The following TRPV5 variants were observed in gnomAD, a reference collection of about 807,000 sequenced individuals.
TRPV5 encodes transient receptor potential cation channel subfamily V member 5, also known as calcium transport protein 2.
In TRPV5, 66 loss-of-function variants were observed where a neutral mutation model predicts 74.1. The ratio of observed to expected loss-of-function variants is 0.89; its 90% CI spans 0.73 to 1.09. TRPV5 has a LOEUF of 1.09. Ranked by LOEUF, TRPV5 falls within the 50% of genes least tolerant of loss-of-function variation. The pLI is 0.00. For synonymous variants in TRPV5, 399 were observed against 360.7 expected (o/e 1.11, Z -1.20); for missense variants, 936 against 930.4 (o/e 1.01, Z -0.08).
At chr7:142,916,269 A>C (rs1192448994) in intron 8 of TRPV5, among the ~76,000 whole-genome samples, 4 of 152,210 alleles carry the variant, frequency 2.6e-5, no homozygotes, top group African/African-American at 9.6e-5. Flanking sequence ...ACTATGAGGA[A>C]GGGTCCCTGC....
Position 142,918,600 on chromosome 7 carries a change from T to C in TRPV5, c.1123-3032A>G, listed in dbSNP as rs185429361. Among the ~76,000 whole-genome samples, 107 of 152,080 alleles carry C rather than the reference T, an allele frequency of 7.0e-4. 2 individuals carry two copies. The highest frequency in any genetic ancestry group is 2.4e-3 in the African/African-American group (98 of 41,466). On this transcript the variant is annotated intron_variant, in intron 8 of 14. Coordinates refer to ENST00000265310, the MANE Select transcript of TRPV5 (RefSeq NM_019841.7). ...ATGCAGGAGAGGTGGCAGTGGAGAG[T>C]GTTCTTTAATCTTTATCGTCACAGA...
intron 12 of TRPV5, among the ~76,000 whole-genome samples, chr7:142,913,271 C>G (rs1024664333): frequency 6.6e-6 from 1 of 152,130 alleles, no homozygotes; most frequent in Admixed American, 6.6e-5. Flanking sequence ...ACATAGGAAA[C>G]GGATTCCTGC....
chr7:142,929,698 T>A, intron 3 of TRPV5, 133 bp from the exon 4 acceptor site: 1 of 1,396,810 alleles, frequency 7.2e-7, no homozygotes, highest in Non-Finnish European at 9.6e-7. Flanking sequence ...CTTGGCAGGG[T>A]GGCCTGGGAC....
In TRPV5 at chr7:142,912,583, T is replaced by C. The variant is rs4252499; in HGVS notation, c.1687A>G (p.Thr563Ala). The stretch of plus-strand genomic sequence containing the variant: ...AGCATGAGCAGTGTGGCAATGATGG[T>C]GAAGGCGAAGTTGACAATGCTGAAC... The part of the protein sequence containing the change: ...FMFSIVNFAF[T>A]IIATLLMLNL... The change falls in exon 13 of 15, where the codon ACC becomes GCC. Residue 563 changes from threonine to alanine, a missense_variant. By Grantham distance (58) the Thr-to-Ala change is moderately conservative. Transcript: ENST00000265310. 1,573,993 of 1,614,204 alleles carry C rather than the reference T, an allele frequency of 0.98. 768,228 individuals carry two copies. Among genetic ancestry groups the C allele is most frequent in the Non-Finnish European group, 0.99 (1,166,614 of 1,180,058 alleles).
chr7:142,929,626 G>A (rs934007432), intron 3 of TRPV5, 61 bp from the exon 4 acceptor site: 13 of 1,590,290 alleles, frequency 8.2e-6, no homozygotes, highest in African/African-American at 2.7e-5. Context: ...CAGGGACACA[G>A]CATCCCCCAC....
Position 142,909,563 on chromosome 7 carries a change from G to A in TRPV5, c.1822C>T (p.Leu608=). ...VATTVMLERK[L]PRCLWPRSGI... ...GAGCGAGGCCACAGGCAGCGAGGCAGCTTCCGCTCCAGCATCACTGTGGTG... is the reference window on the plus strand; with the variant it reads ...GAGCGAGGCCACAGGCAGCGAGGCAACTTCCGCTCCAGCATCACTGTGGTG... The change falls in exon 14 of 15, where the codon CTG becomes TTG. Residue 608 remains leucine, a synonymous_variant. Coordinates refer to ENST00000265310, the MANE Select transcript of TRPV5 (RefSeq NM_019841.7). 1 of 1,614,084 alleles carries A rather than the reference G, an allele frequency of 6.2e-7. No homozygotes were observed. The highest frequency in any genetic ancestry group is 8.5e-7 in the Non-Finnish European group (1 of 1,180,050).
At chr7:142,927,615 G>A (rs748084444) in intron 7 of TRPV5, among the ~76,000 whole-genome samples, 2 of 151,036 alleles carry the variant, frequency 1.3e-5, no homozygotes, top group South Asian at 4.2e-4. Context: ...GGAAGAGAGA[G>A]CAGGGGGAGG....
intron 7 of TRPV5, among the ~76,000 whole-genome samples, chr7:142,926,972 C>T (rs546607168): frequency 1.3e-5 from 2 of 152,314 alleles, no homozygotes; most frequent in East Asian, 1.9e-4. Flanking sequence ...GAAACTACAT[C>T]TTGGCACTCT....
intron 8 of TRPV5, among the ~76,000 whole-genome samples, chr7:142,920,498 G>A (rs572021098): frequency 6.6e-6 from 1 of 152,186 alleles, no homozygotes; most frequent in South Asian, 2.1e-4. Flanking sequence ...AAGATGAGAT[G>A]TGTAGATACA....
chr7:142,929,221 A>G (rs1419027826), intron 4 of TRPV5, 101 bp from the exon 5 acceptor site: 2 of 1,506,392 alleles, frequency 1.3e-6, no homozygotes, highest in Non-Finnish European at 1.8e-6. Flanking sequence ...CCCATATCTC[A>G]GTTCTAGGCT....
At position 142,925,737 on chromosome 7, in the gene TRPV5, C is replaced by T. The variant is rs770101440; in HGVS notation, c.914G>A (p.Arg305His). The T allele has an allele frequency of 1.3e-5, 21 of 1,613,416 alleles. No individual in the cohort carries two copies. Among genetic ancestry groups the T allele is most frequent in the East Asian group, 2.2e-5 (1 of 44,862 alleles). The stretch of plus-strand genomic sequence containing the variant: ...CACTGGGGTCTGTTCCAGAATTTGG[C>T]GAGCCTGGCATGGAAGTAGAGTGAA... ...LVVSSDKREA[R>H]QILEQTPVKE... Residue 305 changes from arginine (R) to histidine (H), a missense_variant, in exon 8 of 15, where the codon CGC becomes CAC. Physicochemically the swap from Arg to His is conservative, Grantham distance 29. Transcript: ENST00000265310.
At chr7:142,921,305 G>A (rs183481249) in intron 8 of TRPV5, among the ~76,000 whole-genome samples, 6 of 152,126 alleles carry the variant, frequency 3.9e-5, no homozygotes, top group East Asian at 1.9e-4. Context: ...ATTTTGAGAC[G>A]GAGTCTCATA....
At chr7:142,921,013 G>GGA (rs1407796672) in intron 8 of TRPV5, among the ~76,000 whole-genome samples, 9 of 152,206 alleles carry the variant, frequency 5.9e-5, no homozygotes, top group Non-Finnish European at 1.3e-4. Flanking sequence ...TGCTGTGCTT[G>GGA]TTCCACCATG....
At chr7:142,909,361 ACC>A (rs1795669420) in intron 14 of TRPV5, 127 bp downstream of exon 14, 2 of 901,964 alleles carry the variant, frequency 2.2e-6, no homozygotes, top group Admixed American at 4.9e-5. Context: ...CATTCTTCGT[ACC>A]CCTCCACTTC....
chr7:142,925,305 A>G (rs1795964611), intron 8 of TRPV5: 1 of 597,204 alleles, frequency 1.7e-6, no homozygotes, highest in Admixed American at 3.0e-5. Flanking sequence ...GCACTCTTTC[A>G]AAGTTTGTGT....
intron 8 of TRPV5, among the ~76,000 whole-genome samples, chr7:142,922,398 C>G (rs1795900507): frequency 6.6e-6 from 1 of 152,136 alleles, no homozygotes; most frequent in Admixed American, 6.6e-5. Flanking sequence ...TCTAAATGAC[C>G]AGAGTGGTGG....
rs756578665 is a variant in TRPV5, at chr7:142,933,366, G to T, written c.94C>A (p.His32Asn). The T allele has an allele frequency of 1.2e-6, 2 of 1,614,134 alleles. No homozygotes were observed. Among genetic ancestry groups the T allele is most frequent in the East Asian group, 4.5e-5 (2 of 44,882 alleles). Residue 32 changes from histidine to asparagine, a missense_variant, in exon 1 of 15, where the codon CAC (histidine) becomes AAC (asparagine). By Grantham distance (68) the His-to-Asn change is moderately conservative. Coordinates refer to ENST00000265310, the MANE Select transcript of TRPV5 (RefSeq NM_019841.7). The part of the protein sequence containing the change: ...FLVREQDWDQ[H>N]LDKLHMLQQK... Reference sequence around the variant, plus strand: ...TGCAGCATATGAAGCTTGTCCAGGTGCTGGTCCCAGTCTTGTTCTCTGACC... The same window carrying T: ...TGCAGCATATGAAGCTTGTCCAGGTTCTGGTCCCAGTCTTGTTCTCTGACC...
chr7:142,930,743 A>C (rs966752439), intron 1 of TRPV5, among the ~76,000 whole-genome samples: 2 of 152,112 alleles, frequency 1.3e-5, no homozygotes, highest in African/African-American at 4.8e-5. Context: ...GAGTGGTCTG[A>C]GAGTCTCTAA....
chr7:142,915,422 T>C (rs1328951123), intron 9 of TRPV5, 39 bp from the exon 10 acceptor site: 24 of 1,610,632 alleles, frequency 1.5e-5, no homozygotes, highest in Middle Eastern at 3.3e-4. Context: ...CAATGTGGAC[T>C]GCGGTACAGT....
Sources: gnomAD v4.1 joint callset for allele counts (sites outside exome capture counted in the v4.1 genomes callset) on GRCh38, gnomAD v4.1.1 for gene constraint, MANE v1.5 for transcripts, NCBI Gene and HGNC (gene_info 2026-07-23, HGNC 2026-07-21) for gene names.